Variants in ASB5 observed in about 807,000 individuals in gnomAD.
ASB5 encodes the protein ankyrin repeat and SOCS box protein 5.
In ASB5, 45 loss-of-function variants were observed where a neutral mutation model predicts 42.1. That is an observed-to-expected ratio of 1.07 (90% CI 0.84 to 1.37). The LOEUF (loss-of-function observed/expected upper bound fraction) is 1.37, where lower values mean the gene tolerates loss of function less well. Ranked by LOEUF, ASB5 falls within the 40% of genes most tolerant of loss-of-function variation. ASB5 has a pLI of 0.00. For missense variants in ASB5, 402 were observed against 399.8 expected, an observed-to-expected ratio of 1.01 and a Z score of -0.05; for synonymous variants, 147 against 150.6, an observed-to-expected ratio of 0.98 and a Z score of 0.18.
upstream of ASB5, among the ~76,000 whole-genome samples, chr4:176,273,672 C>G (rs1004424798): frequency 6.6e-6 from 1 of 152,168 alleles, no homozygotes; most frequent in African/African-American, 2.4e-5. Flanking sequence ...AGCCTTTCTC[C>G]TAAAAATTGA....
chr4:176,225,841 T>C (rs10014339), intron 1 of ASB5, among the ~76,000 whole-genome samples: 57,783 of 151,974 alleles, frequency 0.38, 11,281 homozygotes, highest in Non-Finnish European at 0.43. Context: ...CCACCTGCCT[T>C]GGTCTCCCAA....
intron 1 of ASB5, among the ~76,000 whole-genome samples, chr4:176,266,001 G>A (rs1465417766): frequency 1.3e-5 from 2 of 152,104 alleles, no homozygotes; most frequent in East Asian, 1.9e-4. Context: ...AAAGGATCCA[G>A]AAGGAAATAT....
intron 1 of ASB5, among the ~76,000 whole-genome samples, chr4:176,263,146 C>A (rs1216747628): frequency 6.6e-6 from 1 of 152,136 alleles, no homozygotes; most frequent in African/African-American, 2.4e-5. Flanking sequence ...AAAGCACACA[C>A]ACCTGCCCCC....
chr4:176,219,163 A>T (rs1753091732), intron 5 of ASB5, among the ~76,000 whole-genome samples: 1 of 121,720 alleles, frequency 8.2e-6, no homozygotes, highest in African/African-American at 3.3e-5. Flanking sequence ...TTTGTATGAC[A>T]TATAAATATA....
intron 1 of ASB5, among the ~76,000 whole-genome samples, chr4:176,231,299 G>A (rs1753536537): frequency 6.6e-6 from 1 of 151,664 alleles, no homozygotes; most frequent in South Asian, 2.1e-4. Context: ...CCATTTTAAG[G>A]AGCTCCAAGC....
intron 1 of ASB5, among the ~76,000 whole-genome samples, chr4:176,234,100 CAA>C (rs1753621336): frequency 6.6e-6 from 1 of 152,296 alleles, no homozygotes; most frequent in Admixed American, 6.5e-5. Flanking sequence ...TGATGTATTG[CAA>C]AAGTCTCCTA....
intron 1 of ASB5, among the ~76,000 whole-genome samples, chr4:176,266,811 A>G (rs948780977): frequency 4.6e-5 from 7 of 152,136 alleles, no homozygotes; most frequent in African/African-American, 1.4e-4. Flanking sequence ...AGTGTTTCCT[A>G]TTGATATTGA....
intron 1 of ASB5, chr4:176,277,122 T>A (rs1282184340): frequency 1.3e-5 from 2 of 152,220 alleles, no homozygotes; most frequent in Non-Finnish European, 2.9e-5. Context: ...CCTGCATTTT[T>A]AATTTCCTTT....
chr4:176,258,173 A>G lies in ASB5; in HGVS notation c.196+10740T>C, dbSNP rs72708315. On this transcript the variant is annotated intron_variant, in intron 1 of 6. Coordinates refer to ENST00000296525, the MANE Select transcript of ASB5 (RefSeq NM_080874.4). Reference sequence around the variant, plus strand: ...CTATAGAGTGTTGACTTTACGCCAGACACTGTGGCAAGTGATTAAGGTAAT... The same window carrying G: ...CTATAGAGTGTTGACTTTACGCCAGGCACTGTGGCAAGTGATTAAGGTAAT... Among the ~76,000 whole-genome samples the G allele has an allele frequency of 7.0e-3, 1,068 of 152,336 alleles. 6 individuals carry two copies. The highest frequency in any genetic ancestry group is 0.012 in the Non-Finnish European group (808 of 68,032).
intron 1 of ASB5, among the ~76,000 whole-genome samples, chr4:176,259,917 TAGAG>T (rs1754225561): frequency 6.6e-6 from 1 of 152,156 alleles, no homozygotes; most frequent in Non-Finnish European, 1.5e-5. Context: ...GCTGCCCTGA[TAGAG>T]AGAGGATGCC....
intron 1 of ASB5, among the ~76,000 whole-genome samples, chr4:176,236,310 A>C (rs1318202349): frequency 6.6e-6 from 1 of 152,016 alleles, no homozygotes. Context: ...TTCCTTCTGG[A>C]CTTTAAGGAC....
At chr4:176,233,194 A>C (rs1753594911) in intron 1 of ASB5, among the ~76,000 whole-genome samples, 1 of 152,240 alleles carries the variant, frequency 6.6e-6, no homozygotes, top group Admixed American at 6.5e-5. Flanking sequence ...GCTTTTAACT[A>C]CATCTTCTAA....
chr4:176,241,756 C>A, intron 1 of ASB5: 5 of 984,588 alleles, frequency 5.1e-6, no homozygotes, highest in Non-Finnish European at 6.6e-6. Context: ...CAACAGTTAA[C>A]CTTTGTTCCA....
chr4:176,257,200 G>A (rs1754173289), intron 1 of ASB5, among the ~76,000 whole-genome samples: 1 of 152,178 alleles, frequency 6.6e-6, no homozygotes, highest in Non-Finnish European at 1.5e-5. Context: ...CTGTGGCACT[G>A]ACTATAATGG....
At chr4:176,276,753 A>C (rs1448893131) in intron 1 of ASB5, among the ~76,000 whole-genome samples, 1 of 152,234 alleles carries the variant, frequency 6.6e-6, no homozygotes, top group African/African-American at 2.4e-5. Flanking sequence ...TAATAAGAAT[A>C]GTAACAGCAA....
intron 1 of ASB5, among the ~76,000 whole-genome samples, chr4:176,246,622 AG>A (rs371022557): frequency 7.9e-4 from 121 of 152,374 alleles, no homozygotes; most frequent in African/African-American, 2.8e-3. Context: ...CATTTGCAGA[AG>A]CAAACTCTCC....
At chr4:176,234,259 T>A (rs1753627279) in intron 1 of ASB5, among the ~76,000 whole-genome samples, 1 of 152,186 alleles carries the variant, frequency 6.6e-6, no homozygotes, top group Admixed American at 6.5e-5. Flanking sequence ...ACCTATGAAC[T>A]CTCCAGGCTC....
chr4:176,245,059 C>A (rs1243107681), intron 1 of ASB5, among the ~76,000 whole-genome samples: 1 of 152,144 alleles, frequency 6.6e-6, no homozygotes, highest in Non-Finnish European at 1.5e-5. Context: ...CAGGAGTTCC[C>A]AGATAAACTT....
intron 5 of ASB5, among the ~76,000 whole-genome samples, chr4:176,219,694 G>A (rs1753146632): frequency 6.9e-6 from 1 of 145,784 alleles, no homozygotes; most frequent in South Asian, 2.2e-4. Flanking sequence ...AGCCTCTCGA[G>A]CAGCTGGGAC....
Sources: gnomAD v4.1 joint callset for allele counts (sites outside exome capture counted in the v4.1 genomes callset) on GRCh38, gnomAD v4.1.1 for gene constraint, MANE v1.5 for transcripts, NCBI Gene and HGNC (gene_info 2026-07-23, HGNC 2026-07-21) for gene names.